SUCLG1: variants seen among roughly 807,000 people sequenced by gnomAD.
SUCLG1 encodes succinate--CoA ligase [ADP/GDP-forming] subunit alpha, mitochondrial.
SUCLG1 carries 26 observed loss-of-function variants against 37.3 expected under a neutral mutation model. That is an observed-to-expected ratio of 0.70 (90% CI 0.51 to 0.97). SUCLG1 has a LOEUF of 0.97. SUCLG1 is among the 50% of genes least tolerant of loss of function. SUCLG1 has a pLI of 0.00. For missense variants in SUCLG1, 433 were observed against 432.9 expected (o/e 1.00, Z 0.00); for synonymous variants, 163 against 155.6 (o/e 1.05, Z -0.36).
At chr2:84,441,964 A>G (rs1672780551) in intron 3 of SUCLG1, among the ~76,000 whole-genome samples, 1 of 152,206 alleles carries the variant, frequency 6.6e-6, no homozygotes, top group Non-Finnish European at 1.5e-5. Context: ...CAGAAGCTAT[A>G]CTGTGACAAC....
intron 1 of SUCLG1, among the ~76,000 whole-genome samples, chr2:84,452,810 G>A (rs1250501821): frequency 6.6e-6 from 1 of 152,102 alleles, no homozygotes; most frequent in South Asian, 2.1e-4. Context: ...ACACACAGTA[G>A]GTCTATGGGA....
At position 84,425,551 on chromosome 2, in the gene SUCLG1, G is replaced by C; in HGVS notation, c.878C>G (p.Pro293Arg). ...CCCGGCATGACCCATTCTTCTCCCA[G>C]GAGGAGCAGTTAAACCAGCAATGAA... ...VSFIAGLTAP[P>R]GRRMGHAGAI... Residue 293 changes from proline (P) to arginine (R), a missense_variant, in exon 8 of 9, where the codon CCT becomes CGT. By Grantham distance (103) the Pro-to-Arg change is moderately radical (BLOSUM62 -2). Transcript: ENST00000393868. The C allele has an allele frequency of 6.2e-7, 1 of 1,614,238 alleles. No homozygotes were observed. Among genetic ancestry groups the C allele is most frequent in the Non-Finnish European group, 8.5e-7 (1 of 1,180,046 alleles).
At position 84,431,494 on chromosome 2, in the gene SUCLG1, A is replaced by G. The variant is rs781113881; in HGVS notation, c.825+14T>C. The G allele has an allele frequency of 5.6e-6, 9 of 1,613,774 alleles. No individual in the cohort carries two copies. In the East Asian group the frequency reaches 2.0e-4, roughly 36 times the overall value. ...TAAGAGCAAAGAGCTATGTTTTTCC[A>G]AACCCAAACTTACTGAATTATGTTG... On this transcript the variant is annotated intron_variant, in intron 7 of 8. Transcript: ENST00000393868.
At chr2:84,443,686 A>T (rs1672807662) in intron 2 of SUCLG1, among the ~76,000 whole-genome samples, 2 of 152,220 alleles carry the variant, frequency 1.3e-5, no homozygotes, top group African/African-American at 4.8e-5. Flanking sequence ...CTCAGTTTAA[A>T]ATTCATGGTA....
At chr2:84,435,158 TCTC>T (rs1672669084) in intron 5 of SUCLG1, among the ~76,000 whole-genome samples, 1 of 152,186 alleles carries the variant, frequency 6.6e-6, no homozygotes, top group South Asian at 2.1e-4. Context: ...TATTTCATGC[TCTC>T]CTATCTTTTC....
At chr2:84,432,078 A>G (rs1672621050) in intron 6 of SUCLG1, among the ~76,000 whole-genome samples, 1 of 152,222 alleles carries the variant, frequency 6.6e-6, no homozygotes, top group African/African-American at 2.4e-5. Flanking sequence ...CTTTGAGTAA[A>G]GAAACTATTT....
rs1450372662 is a variant in SUCLG1 at position 84,425,526 on chromosome 2, C to A, written c.903G>T (p.Gly301=). The part of the protein sequence containing the change: ...APPGRRMGHA[G]AIIAGGKGGA... ...CACCTTTTCCTCCAGCAATAATTGC[C>A]CCGGCATGACCCATTCTTCTCCCAG... The change falls in exon 8 of 9, where the codon GGG becomes GGT. Residue 301 remains glycine (G), a synonymous_variant. Transcript: ENST00000393868. The A allele has an allele frequency of 6.2e-7, 1 of 1,614,200 alleles. No homozygotes were observed. Among genetic ancestry groups the A allele is most frequent in the Non-Finnish European group, 8.5e-7 (1 of 1,180,042 alleles).
intron 5 of SUCLG1, among the ~76,000 whole-genome samples, chr2:84,440,322 G>A (rs933852257): frequency 3.3e-5 from 5 of 152,138 alleles, no homozygotes; most frequent in Admixed American, 6.5e-5. Context: ...GGGGTAAGCC[G>A]AGATCGAGCC....
At position 84,448,180 on chromosome 2, in the gene SUCLG1, A is replaced by C. The variant is rs201649590; in HGVS notation, c.201+1469T>G. Among the ~76,000 whole-genome samples, 14 of 150,226 alleles carry C rather than the reference A, an allele frequency of 9.3e-5. No homozygotes were observed. In the East Asian group the frequency reaches 2.7e-3, roughly 29 times the overall value. On this transcript the variant is annotated intron_variant, in intron 2 of 8. Transcript: ENST00000393868. ...TGCTCAGTTATTTCAGAAAAAAAAA[A>C]AAACAAAAAACAAAAAACAAAAAGC...
chr2:84,425,675 C>G (rs1413247420), intron 7 of SUCLG1, 72 bp from the exon 8 acceptor site: 33 of 1,551,676 alleles, frequency 2.1e-5, no homozygotes, highest in Non-Finnish European at 2.8e-5. Context: ...ATTCATGACT[C>G]TGCTGGTAAA....
chr2:84,430,668 A>AT (rs1284459663), intron 7 of SUCLG1, among the ~76,000 whole-genome samples: 2 of 152,064 alleles, frequency 1.3e-5, no homozygotes, highest in Non-Finnish European at 2.9e-5. Context: ...TCACTGGTGG[A>AT]TTTTTTTCAT....
intron 2 of SUCLG1, among the ~76,000 whole-genome samples, chr2:84,448,339 T>G (rs1672882361): frequency 6.6e-6 from 1 of 152,094 alleles, no homozygotes; most frequent in Non-Finnish European, 1.5e-5. Context: ...ATGGCTGCTT[T>G]TGCTGTTAAA....
intron 2 of SUCLG1, among the ~76,000 whole-genome samples, chr2:84,446,738 TTTTAAAAAAGTAAAAATGTTTGCAA>T (rs1449780224): frequency 6.6e-6 from 1 of 152,156 alleles, no homozygotes; most frequent in Non-Finnish European, 1.5e-5. Flanking sequence ...AAAATCTAAT[TTTTAAAAAAGTAAAAATGTTTGCAA>T]TTTAAAAAAG....
In SUCLG1 at chr2:84,459,236, C is replaced by T; in HGVS notation, c.34G>A (p.Ala12Thr). The T allele has an allele frequency of 6.4e-7, 1 of 1,550,712 alleles. No homozygotes were observed. The highest frequency in any genetic ancestry group is 8.7e-7 in the Non-Finnish European group (1 of 1,146,872). Reference protein sequence around the residue: ...TATLAAAADIATMVSGSSGLA... With the variant: ...TATLAAAADITTMVSGSSGLA... Reference sequence around the variant, plus strand: ...CCGCTGCTGCCGGAGACCATGGTAGCGATGTCAGCGGCAGCGGCAAGGGTT... The same window carrying T: ...CCGCTGCTGCCGGAGACCATGGTAGTGATGTCAGCGGCAGCGGCAAGGGTT... Residue 12 changes from alanine to threonine, a missense_variant, in exon 1 of 9, where the codon GCT becomes ACT. Transcript: ENST00000393868.
intron 6 of SUCLG1, 141 bp downstream of exon 6, chr2:84,433,211 G>T: frequency 1.3e-6 from 1 of 791,580 alleles, no homozygotes; most frequent in Non-Finnish European, 2.2e-6. Context: ...TTACACTTAA[G>T]CAAATTAAAT....
Position 84,459,277 on chromosome 2 carries a change from T to G in SUCLG1, c.-8A>C. 6.5e-7 allele frequency: 1 copy of G among 1,550,136 alleles called. No individual in the cohort carries two copies. The highest frequency in any genetic ancestry group is 8.7e-7 in the Non-Finnish European group (1 of 1,146,546). On this transcript the variant is annotated 5_prime_UTR_variant, in exon 1 of 9. Coordinates refer to ENST00000393868, the MANE Select transcript of SUCLG1 (RefSeq NM_003849.4). The stretch of plus-strand genomic sequence containing the variant: ...GGCAAGGGTTGCGGTCATACGCCAA[T>G]GACACTCCCAGGCCCCCGGGGACCT...
chr2:84,438,540 G>GA (rs1388523962), intron 5 of SUCLG1, among the ~76,000 whole-genome samples: 1 of 152,202 alleles, frequency 6.6e-6, no homozygotes. Context: ...CCAAGGGACT[G>GA]AAAAGTCCTT....
Position 84,459,207 on chromosome 2 carries a change from G to A in SUCLG1, c.63C>T (p.Leu21=), listed in dbSNP as rs982734922. Residue 21 remains leucine (L), a synonymous_variant, in exon 1 of 9, where the codon CTC becomes CTT. Transcript: ENST00000393868. ...IATMVSGSSG[L]AAARLLSRSF... ...TGCGCGACAGGAGACGGGCGGCGGCGAGGCCGCTGCTGCCGGAGACCATGG... is the reference window on the plus strand; with the variant it reads ...TGCGCGACAGGAGACGGGCGGCGGCAAGGCCGCTGCTGCCGGAGACCATGG... 11 of 1,550,090 alleles carry A rather than the reference G, an allele frequency of 7.1e-6. No individual in the cohort carries two copies. The highest frequency in any genetic ancestry group is 6.0e-5 in the South Asian group (5 of 84,030).
intron 6 of SUCLG1, 115 bp downstream of exon 6, chr2:84,433,237 C>T (rs1399740521): frequency 1.1e-6 from 1 of 903,536 alleles, no homozygotes; most frequent in South Asian, 1.4e-5. Context: ...ATCGTAACAT[C>T]CTTTTCATAA....
Sources: gnomAD v4.1 joint callset for allele counts (sites outside exome capture counted in the v4.1 genomes callset) on GRCh38, gnomAD v4.1.1 for gene constraint, MANE v1.5 for transcripts, NCBI Gene and HGNC (gene_info 2026-07-23, HGNC 2026-07-21) for gene names.